Variants in KREMEN1 observed in about 807,000 individuals in gnomAD.
KREMEN1 encodes the protein kremen protein 1.
Under a neutral mutation model 46.5 loss-of-function variants are expected in KREMEN1, and 30 were observed. The ratio of observed to expected loss-of-function variants is 0.65; its 90% confidence interval spans 0.48 to 0.88. KREMEN1 has a LOEUF of 0.88. Among genes scored for constraint, KREMEN1 ranks in the 40% least tolerant of loss-of-function variants. KREMEN1 has a pLI of 0.00. For synonymous variants in KREMEN1, 214 were observed against 230.6 expected, an observed-to-expected ratio of 0.93 and a Z score of 0.65; for missense variants, 533 against 596.9, an observed-to-expected ratio of 0.89 and a Z score of 1.11.
intron 1 of KREMEN1, among the ~76,000 whole-genome samples, chr22:29,091,348 ACCTGT>A (rs2037802314): frequency 6.6e-6 from 1 of 152,064 alleles, no homozygotes; most frequent in African/African-American, 2.4e-5. Context: ...CAGGAACCCC[ACCTGT>A]CCTGCAGTTT....
At position 29,145,880 on chromosome 22, in the gene KREMEN1, G is replaced by A. The variant is rs1055326262; in HGVS notation, c.*3768G>A. On this transcript the variant is annotated 3_prime_UTR_variant, in exon 9 of 9. Transcript: ENST00000400335. ...CCTGGCCCTCGGGTAGAACCCACGG[G>A]CGTGCCTGGGTGCGGCTCCACCCAC... The A allele has an allele frequency of 1.2e-5, 12 of 985,612 alleles. No homozygotes were observed. Among genetic ancestry groups the A allele is most frequent in the Non-Finnish European group, 3.6e-6 (3 of 829,968 alleles). The allele number at this position is 985,612 out of a possible 1,614,324, so 61.1% of individuals were successfully genotyped here.
chr22:29,103,462 T>C (rs1379650964), intron 3 of KREMEN1, among the ~76,000 whole-genome samples: 3 of 152,228 alleles, frequency 2.0e-5, no homozygotes, highest in African/African-American at 7.2e-5. Context: ...CTGCAGAGCA[T>C]GGATCAGAAC....
intron 1 of KREMEN1, among the ~76,000 whole-genome samples, chr22:29,093,690 G>A (rs761462258): frequency 1.3e-5 from 2 of 152,212 alleles, no homozygotes; most frequent in Non-Finnish European, 1.5e-5. Flanking sequence ...ACAGCATGGG[G>A]AGGACTGTTC....
At chr22:29,163,634 C>T (rs2039030625) in intron 9 of KREMEN1, among the ~76,000 whole-genome samples, 2 of 152,122 alleles carry the variant, frequency 1.3e-5, no homozygotes, top group Admixed American at 6.6e-5. Flanking sequence ...ACCTCAGCCT[C>T]CCGAAGTGCT....
chr22:29,077,572 C>G (rs2037593207), intron 1 of KREMEN1, among the ~76,000 whole-genome samples: 1 of 152,122 alleles, frequency 6.6e-6, no homozygotes, highest in Non-Finnish European at 1.5e-5. Context: ...TGGGAATTTC[C>G]TATAATTTTT....
chr22:29,154,647 C>T (rs2038945723), intron 9 of KREMEN1: 1 of 152,228 alleles, frequency 6.6e-6, no homozygotes. Context: ...GACTGCAGAT[C>T]TGCGGAAGAA....
chr22:29,134,336 T>G (rs1043500347), intron 5 of KREMEN1, among the ~76,000 whole-genome samples: 2 of 152,050 alleles, frequency 1.3e-5, no homozygotes, highest in African/African-American at 4.8e-5. Flanking sequence ...TTTAAAATTT[T>G]TGTAGAGATG....
chr22:29,122,808 T>C (rs2157394), intron 4 of KREMEN1, among the ~76,000 whole-genome samples: 54,042 of 151,084 alleles, frequency 0.36, 10,972 homozygotes, highest in East Asian at 0.6. Context: ...CATGGTGGTG[T>C]GTGCCTGTAA....
In KREMEN1 at chr22:29,145,892, G is replaced by A; in HGVS notation, c.*3780G>A. 5 of 985,806 alleles carry A rather than the reference G, an allele frequency of 5.1e-6. No homozygotes were observed. The highest frequency in any genetic ancestry group is 4.8e-6 in the Non-Finnish European group (4 of 829,976). The allele number at this position is 985,806 out of a possible 1,614,324, so 61.1% of individuals were successfully genotyped here. Reference sequence around the variant, plus strand: ...GTAGAACCCACGGGCGTGCCTGGGTGCGGCTCCACCCACATGCCCCACTGT... The same window carrying A: ...GTAGAACCCACGGGCGTGCCTGGGTACGGCTCCACCCACATGCCCCACTGT... On this transcript the variant is annotated 3_prime_UTR_variant, in exon 9 of 9. Transcript: ENST00000400335.
intron 3 of KREMEN1, among the ~76,000 whole-genome samples, chr22:29,100,042 T>C (rs1302709165): frequency 6.6e-6 from 1 of 151,876 alleles, no homozygotes; most frequent in Non-Finnish European, 1.5e-5. Flanking sequence ...CTTCTTTTTC[T>C]ACTCTTCTTT....
In KREMEN1 at chr22:29,142,194, A is replaced by C; in HGVS notation, c.*82A>C. 1 of 1,447,880 alleles carries C rather than the reference A, an allele frequency of 6.9e-7. No homozygotes were observed. Among genetic ancestry groups the C allele is most frequent in the Non-Finnish European group, 9.1e-7 (1 of 1,100,890 alleles). The allele number at this position is 1,447,880 out of a possible 1,614,324, so 89.7% of individuals were successfully genotyped here. ...CAACCTCTCCTGTGGTTCTTCTCTGACAGACTCTTCCCCTCCTCTCCCTCT... is the reference window on the plus strand; with the variant it reads ...CAACCTCTCCTGTGGTTCTTCTCTGCCAGACTCTTCCCCTCCTCTCCCTCT... On this transcript the variant is annotated 3_prime_UTR_variant, in exon 9 of 9. Transcript: ENST00000400335.
chr22:29,094,703 A>C (rs1569316194), intron 2 of KREMEN1, among the ~76,000 whole-genome samples: 1 of 147,420 alleles, frequency 6.8e-6, no homozygotes, highest in Non-Finnish European at 1.5e-5. Context: ...GGCTCACTGC[A>C]AGCTCCGCCT....
intron 9 of KREMEN1, among the ~76,000 whole-genome samples, chr22:29,158,435 CG>C (rs1212487345): frequency 1.3e-5 from 2 of 152,082 alleles, no homozygotes; most frequent in Non-Finnish European, 2.9e-5. Flanking sequence ...GGAGAGGCGC[CG>C]ACATGGGGCA....
chr22:29,133,084 T>G (rs2038589775), intron 5 of KREMEN1, among the ~76,000 whole-genome samples: 1 of 151,910 alleles, frequency 6.6e-6, no homozygotes. Context: ...CCGTCTCTAC[T>G]AAAAATACAA....
intron 5 of KREMEN1, among the ~76,000 whole-genome samples, chr22:29,132,144 T>C (rs2038574447): frequency 6.6e-6 from 1 of 152,130 alleles, no homozygotes; most frequent in Non-Finnish European, 1.5e-5. Context: ...AGTGCTGGGA[T>C]TACAGGTGTG....
intron 3 of KREMEN1, among the ~76,000 whole-genome samples, chr22:29,107,015 A>AG (rs2038070814): frequency 1.3e-5 from 2 of 152,150 alleles, no homozygotes; most frequent in South Asian, 4.1e-4. Context: ...GCCACTCTGC[A>AG]GTATGCTGGG....
intron 1 of KREMEN1, among the ~76,000 whole-genome samples, chr22:29,084,847 G>A (rs1247342198): frequency 1.3e-5 from 2 of 152,140 alleles, no homozygotes; most frequent in Non-Finnish European, 2.9e-5. Flanking sequence ...CCTTCCAAAA[G>A]TATAAATTCT....
At position 29,137,520 on chromosome 22, in the gene KREMEN1, G is replaced by A; in HGVS notation, c.810G>A (p.Val270=). ...ACATCAGGGACTCGGCGGACATGGT[G>A]GAGCTTCTGGATGGCTACACCCACC... is the stretch of plus-strand genomic sequence containing the variant. ...LFDIRDSADM[V]ELLDGYTHRV... Residue 270 remains valine, a synonymous_variant, in exon 6 of 9, where the codon GTG becomes GTA. Transcript: ENST00000400335. The A allele has an allele frequency of 6.2e-7, 1 of 1,612,466 alleles. No homozygotes were observed. Among genetic ancestry groups the A allele is most frequent in the Non-Finnish European group, 8.5e-7 (1 of 1,178,572 alleles).
chr22:29,126,432 C>T (rs2038443781), intron 5 of KREMEN1, among the ~76,000 whole-genome samples: 1 of 152,142 alleles, frequency 6.6e-6, no homozygotes, highest in South Asian at 2.1e-4. Flanking sequence ...GTCGGCGATC[C>T]TTGGCATTTG....
Sources: gnomAD v4.1 joint callset for allele counts (sites outside exome capture counted in the v4.1 genomes callset) on GRCh38, gnomAD v4.1.1 for gene constraint, MANE v1.5 for transcripts, NCBI Gene and HGNC (gene_info 2026-07-23, HGNC 2026-07-21) for gene names.